The following MAPK10 variants were observed in gnomAD, a reference collection of about 807,000 sequenced individuals.
The protein encoded by MAPK10 is JNK3 alpha protein kinase.
In MAPK10, 25 loss-of-function variants were observed where a neutral mutation model predicts 59.3. That is an observed-to-expected ratio of 0.42 (90% confidence interval 0.31 to 0.59). The LOEUF (loss-of-function observed/expected upper bound fraction) is 0.59, where lower values mean the gene tolerates loss of function less well. Among genes scored for constraint, MAPK10 ranks in the 20% least tolerant of loss-of-function variants. The pLI is 0.15. For synonymous variants in MAPK10, 190 were observed against 200.5 expected (o/e 0.95, Z 0.44); for missense variants, 351 against 568.9 (o/e 0.62, Z 3.90).
chr4:86,513,805 C>T (rs79983085), intron 1 of MAPK10, among the ~76,000 whole-genome samples: 1 of 152,112 alleles, frequency 6.6e-6, no homozygotes, highest in South Asian at 2.1e-4. Flanking sequence ...ACTGGCCACG[C>T]ACTTTGAGAT....
intron 3 of MAPK10, chr4:86,164,357 T>C (rs2149242041): frequency 6.6e-6 from 1 of 152,250 alleles, no homozygotes; most frequent in East Asian, 1.9e-4. Context: ...ACTTAAGTTA[T>C]GAATATCTAT....
At chr4:86,379,887 G>A (rs778016561) in intron 1 of MAPK10, among the ~76,000 whole-genome samples, 4 of 152,038 alleles carry the variant, frequency 2.6e-5, no homozygotes, top group Non-Finnish European at 5.9e-5. Flanking sequence ...CTCTAGCACC[G>A]CTGGGTTAGG....
chr4:86,161,864 T>C lies in MAPK10; in HGVS notation c.67-2397A>G, dbSNP rs75995015. Among the ~76,000 whole-genome samples the C allele has an allele frequency of 5.1e-3, 770 of 152,196 alleles. 7 individuals are homozygous for C. The highest frequency in any genetic ancestry group is 0.018 in the African/African-American group (729 of 41,554). ...GTGGCACGGCCCTGTGCCTTTGGAC[T>C]TCACTGTGGCTTTTCCAGCTATGGT... On this transcript the variant is annotated intron_variant, in intron 3 of 13. Coordinates refer to ENST00000641462, the MANE Select transcript of MAPK10 (RefSeq NM_138982.4).
intron 3 of MAPK10, among the ~76,000 whole-genome samples, chr4:86,167,984 G>C (rs2072429992): frequency 6.6e-6 from 1 of 152,216 alleles, no homozygotes. Context: ...AAATCCCATT[G>C]TCTCAGCCAA....
At chr4:86,507,628 A>G (rs1473032438) in intron 1 of MAPK10, among the ~76,000 whole-genome samples, 1 of 47,830 alleles carries the variant, frequency 2.1e-5, no homozygotes, top group Non-Finnish European at 4.0e-5. Context: ...ATATATATAT[A>G]TATATATATA....
rs1754682748 is a variant in MAPK10, at chr4:86,494,060, G to A, written c.-263+99850C>T. On this transcript the variant is annotated intron_variant, in intron 1 of 4. Transcript: ENST00000502302. ...TAGACCTTAAAAGTTTAGGCATTGG[G>A]ATATCATCTGTCAGTAGATGGAACT... Among the ~76,000 whole-genome samples, 3 of 152,136 alleles carry A rather than the reference G, an allele frequency of 2.0e-5. No homozygotes were observed. The South Asian group carries it at 6.2e-4, about 32-fold the overall frequency.
intron 2 of MAPK10, among the ~76,000 whole-genome samples, chr4:86,279,037 C>CT (rs1198890136): frequency 4.6e-5 from 7 of 151,770 alleles, no homozygotes; most frequent in African/African-American, 7.3e-5. Flanking sequence ...ATGTTCATTT[C>CT]TTTTTTTTGG....
chr4:86,279,156 C>T (rs1351945470), intron 2 of MAPK10, among the ~76,000 whole-genome samples: 1 of 151,958 alleles, frequency 6.6e-6, no homozygotes, highest in African/African-American at 2.4e-5. Flanking sequence ...AATATTATGA[C>T]AAAATTAAGT....
intron 2 of MAPK10, among the ~76,000 whole-genome samples, chr4:86,206,046 AATTTT>A (rs2083801087): frequency 6.6e-6 from 1 of 151,794 alleles, no homozygotes. Flanking sequence ...TTTTTAATTT[AATTTT>A]ATTATTATTA....
chr4:86,026,589 G>C (rs1750358918), intron 13 of MAPK10: 1 of 152,072 alleles, frequency 6.6e-6, no homozygotes, highest in Non-Finnish European at 1.5e-5. Flanking sequence ...CATAACATGG[G>C]TTTCGTATTA....
At chr4:86,201,044 A>G (rs1280959981) in intron 2 of MAPK10, among the ~76,000 whole-genome samples, 1 of 151,694 alleles carries the variant, frequency 6.6e-6, no homozygotes, top group Non-Finnish European at 1.5e-5. Flanking sequence ...ATTCTACTCT[A>G]TCTCCATGAG....
intron 1 of MAPK10, among the ~76,000 whole-genome samples, chr4:86,428,941 T>G (rs1401544248): frequency 6.6e-6 from 1 of 152,212 alleles, no homozygotes; most frequent in African/African-American, 2.4e-5. Context: ...ATTTATTCTC[T>G]GCATAAAACA....
At chr4:86,549,371 T>G (rs975205602) in intron 1 of MAPK10, among the ~76,000 whole-genome samples, 2 of 152,180 alleles carry the variant, frequency 1.3e-5, no homozygotes, top group African/African-American at 4.8e-5. Context: ...AGTCCATTGC[T>G]CCTACACTAC....
intron 2 of MAPK10, among the ~76,000 whole-genome samples, chr4:86,315,272 AG>A (rs2095758013): frequency 6.6e-6 from 1 of 151,950 alleles, no homozygotes; most frequent in African/African-American, 2.4e-5. Flanking sequence ...CGGGGCATGG[AG>A]GGGGTGGTTA....
intron 1 of MAPK10, among the ~76,000 whole-genome samples, chr4:86,578,057 C>T (rs1050831246): frequency 6.6e-6 from 1 of 152,058 alleles, no homozygotes; most frequent in Non-Finnish European, 1.5e-5. Flanking sequence ...TCCAAGTTTG[C>T]TGATGAGCGA....
At chr4:86,032,702 C>T (rs554737760) in intron 11 of MAPK10, 1 of 152,302 alleles carries the variant, frequency 6.6e-6, no homozygotes, top group Admixed American at 6.5e-5. Flanking sequence ...TAGCTTGAAT[C>T]ATGACAGACA....
At chr4:86,427,818 CA>C (rs1341985494) in intron 1 of MAPK10, among the ~76,000 whole-genome samples, 1 of 152,144 alleles carries the variant, frequency 6.6e-6, no homozygotes, top group African/African-American at 2.4e-5. Context: ...ATCTTAATAT[CA>C]GAAGATATAA....
At chr4:86,310,736 T>C (rs1373698081) in intron 2 of MAPK10, among the ~76,000 whole-genome samples, 1 of 152,158 alleles carries the variant, frequency 6.6e-6, no homozygotes, top group African/African-American at 2.4e-5. Context: ...AGACACTATT[T>C]ATGATGGCTT....
chr4:86,214,084 A>T (rs1326603578), intron 2 of MAPK10, among the ~76,000 whole-genome samples: 1 of 152,144 alleles, frequency 6.6e-6, no homozygotes, highest in Non-Finnish European at 1.5e-5. Flanking sequence ...ACATACAAAA[A>T]TCAATCTATG....
Sources: gnomAD v4.1 joint callset for allele counts (sites outside exome capture counted in the v4.1 genomes callset) on GRCh38, gnomAD v4.1.1 for gene constraint, MANE v1.5 for transcripts, NCBI Gene and HGNC (gene_info 2026-07-23, HGNC 2026-07-21) for gene names.